The following SDK2 variants were observed in gnomAD, a reference collection of about 807,000 sequenced individuals.
The protein encoded by SDK2 is sidekick cell adhesion molecule 2, also known as protein sidekick-2.
Under a neutral mutation model 253.9 loss-of-function variants are expected in SDK2, and 105 were observed. The ratio of observed to expected loss-of-function variants is 0.41; its 90% CI spans 0.35 to 0.49. The LOEUF (loss-of-function observed/expected upper bound fraction) is 0.49. Ranked by LOEUF, SDK2 falls within the 20% of genes least tolerant of loss-of-function variation. The pLI is 0.06. For missense variants in SDK2, 2,608 were observed against 3,003.0 expected, an observed-to-expected ratio of 0.87 and a Z score of 3.07; for synonymous variants, 1,249 against 1,234.9, an observed-to-expected ratio of 1.01 and a Z score of -0.24.
At chr17:73,348,803 G>A in intron 43 of SDK2, 78 bp from the exon 44 acceptor site, 1 of 1,197,974 alleles carries the variant, frequency 8.3e-7, no homozygotes, top group Non-Finnish European at 1.2e-6. Context: ...GACCACAGTG[G>A]GGGCCTGGGG....
At chr17:73,436,588 A>ACT (rs869292280) in intron 8 of SDK2, among the ~76,000 whole-genome samples, 1 of 141,934 alleles carries the variant, frequency 7.0e-6, no homozygotes. Context: ...AAAAAAAAAA[A>ACT]AAAAAAAAAA....
intron 1 of SDK2, among the ~76,000 whole-genome samples, chr17:73,572,323 C>A (rs1170759619): frequency 6.6e-6 from 1 of 152,064 alleles, no homozygotes; most frequent in Non-Finnish European, 1.5e-5. Context: ...GCTCAGTTAT[C>A]CCTGTAGAAT....
At chr17:73,626,778 C>A (rs1031639387) in intron 1 of SDK2, among the ~76,000 whole-genome samples, 2 of 152,146 alleles carry the variant, frequency 1.3e-5, no homozygotes. Context: ...TCTCTGGAGA[C>A]CTGGGGACAG....
chr17:73,532,440 T>C (rs2145805539), intron 1 of SDK2, among the ~76,000 whole-genome samples: 1 of 151,962 alleles, frequency 6.6e-6, no homozygotes, highest in South Asian at 2.1e-4. Context: ...AGGCCTGGGC[T>C]GCGAAGAAAA....
At chr17:73,585,027 G>A (rs2045586056) in intron 1 of SDK2, among the ~76,000 whole-genome samples, 1 of 152,230 alleles carries the variant, frequency 6.6e-6, no homozygotes, top group Non-Finnish European at 1.5e-5. Flanking sequence ...ACTGCTCAGG[G>A]CTTGGTCCTG....
intron 1 of SDK2, among the ~76,000 whole-genome samples, chr17:73,569,660 C>T (rs895559533): frequency 7.9e-5 from 12 of 151,142 alleles, no homozygotes; most frequent in African/African-American, 2.9e-4. Flanking sequence ...TTTTTTTCAG[C>T]CCCTCTGTGT....
At chr17:73,365,932 G>C (rs1428187102) in intron 37 of SDK2, among the ~76,000 whole-genome samples, 1 of 152,144 alleles carries the variant, frequency 6.6e-6, no homozygotes, top group Non-Finnish European at 1.5e-5. Flanking sequence ...GCCACGCCAA[G>C]GACAGTCAGA....
intron 1 of SDK2, among the ~76,000 whole-genome samples, chr17:73,594,975 T>C (rs2045734915): frequency 6.6e-6 from 1 of 152,120 alleles, no homozygotes; most frequent in Non-Finnish European, 1.5e-5. Context: ...ACCTGCCTGC[T>C]TCACTCCCCC....
intron 1 of SDK2, among the ~76,000 whole-genome samples, chr17:73,594,941 C>A (rs1453053551): frequency 6.6e-6 from 1 of 152,152 alleles, no homozygotes; most frequent in East Asian, 1.9e-4. Flanking sequence ...CACACGTGCA[C>A]ACACACATAC....
chr17:73,601,784 C>T (rs1413430435), intron 1 of SDK2, among the ~76,000 whole-genome samples: 1 of 151,914 alleles, frequency 6.6e-6, no homozygotes, highest in African/African-American at 2.4e-5. Flanking sequence ...TGCTTTTTCG[C>T]CCAGGCTGGA....
rs2063384744 is a variant in SDK2, at chr17:73,438,090, C to T, written c.790G>A (p.Asp264Asn). 2.6e-6 allele frequency: 4 copies of T among 1,551,674 alleles called. No individual in the cohort carries two copies. Residue 264 changes from aspartate (D) to asparagine (N), a missense_variant, in exon 7 of 45, where the codon GAC becomes AAC. Asp to Asn is a conservative substitution (Grantham distance 23). Coordinates refer to ENST00000392650, the MANE Select transcript of SDK2 (RefSeq NM_001144952.2). Reference protein sequence around the residue: ...DGVLLSGGISDHNRRLTIPNP... With the variant: ...DGVLLSGGISNHNRRLTIPNP... ...GGGATGGTGAGCCGGCGGTTGTGGTCACTGATGCCGCCCGACAGCAATACC... is the reference window on the plus strand; with the variant it reads ...GGGATGGTGAGCCGGCGGTTGTGGTTACTGATGCCGCCCGACAGCAATACC...
At chr17:73,412,050 ATACG>A (rs373095116) in intron 18 of SDK2, among the ~76,000 whole-genome samples, 35 of 3,208 alleles carry the variant, frequency 0.011, no homozygotes, top group East Asian at 0.056. Flanking sequence ...ATATATGTAT[ATACG>A]TATATGTATA....
At chr17:73,495,498 C>T (rs1231571360) in intron 2 of SDK2, among the ~76,000 whole-genome samples, 1 of 152,242 alleles carries the variant, frequency 6.6e-6, no homozygotes, top group Non-Finnish European at 1.5e-5. Flanking sequence ...AAGCCCTGCT[C>T]TAGCTGTTTC....
At chr17:73,623,410 A>G (rs1173133821) in intron 1 of SDK2, among the ~76,000 whole-genome samples, 5 of 152,050 alleles carry the variant, frequency 3.3e-5, no homozygotes, top group Admixed American at 1.3e-4. Flanking sequence ...GGCCTCATCA[A>G]TTGATTAAGT....
intron 1 of SDK2, among the ~76,000 whole-genome samples, chr17:73,507,909 A>C (rs530524040): frequency 1.3e-5 from 2 of 152,212 alleles, no homozygotes; most frequent in South Asian, 4.2e-4. Flanking sequence ...CATCCACTCC[A>C]TCCACTCTGC....
intron 44 of SDK2, among the ~76,000 whole-genome samples, chr17:73,345,688 G>A (rs1173152960): frequency 6.6e-6 from 1 of 152,094 alleles, no homozygotes; most frequent in Non-Finnish European, 1.5e-5. Flanking sequence ...AGGGAGAATG[G>A]GGGCGGGATG....
chr17:73,548,079 C>A (rs767261116), intron 1 of SDK2, among the ~76,000 whole-genome samples: 3 of 152,206 alleles, frequency 2.0e-5, no homozygotes, highest in Non-Finnish European at 4.4e-5. Flanking sequence ...TCACCTCCCA[C>A]CAGGCCCCCC....
At chr17:73,359,024 G>C (rs1231416228) in intron 39 of SDK2, among the ~76,000 whole-genome samples, 1 of 152,022 alleles carries the variant, frequency 6.6e-6, no homozygotes, top group African/African-American at 2.4e-5. Context: ...CTTCTCTTGG[G>C]GGTGCCCGTC....
intron 4 of SDK2, among the ~76,000 whole-genome samples, chr17:73,449,590 G>GC (rs1380567762): frequency 2.8e-5 from 4 of 140,680 alleles, no homozygotes; most frequent in Non-Finnish European, 6.0e-5. Flanking sequence ...CCCTAATGAT[G>GC]CCCCCCCACC....
Sources: allele counts gnomAD v4.1 joint callset (sites outside exome capture counted in the v4.1 genomes callset), GRCh38; gene constraint gnomAD v4.1.1; transcripts MANE v1.5; gene names NCBI Gene and HGNC (gene_info 2026-07-23, HGNC 2026-07-21).